The following GALNTL6 variants were observed in gnomAD, a reference collection of about 807,000 sequenced individuals.
GALNTL6 encodes the protein polypeptide N-acetylgalactosaminyltransferase-like 6.
GALNTL6 carries 46 observed loss-of-function variants against 73.7 expected under a neutral mutation model. The observed-to-expected ratio is 0.62, with a 90% confidence interval of 0.49 to 0.80. The LOEUF is 0.80. Among genes scored for constraint, GALNTL6 ranks in the 30% least tolerant of loss-of-function variants. GALNTL6 has a pLI of 0.00. For synonymous variants in GALNTL6, 259 were observed against 263.7 expected (o/e 0.98, Z 0.17); for missense variants, 604 against 755.0 (o/e 0.80, Z 2.34).
rs185571729 is a variant in GALNTL6, at chr4:172,490,752, A to G, written c.553+142063A>G. Reference sequence around the variant, plus strand: ...AAAGATAAGAGAAGCAGACCCAAGAATCTGTACCAGGCCTGAGAGTTCAAT... The same window carrying G: ...AAAGATAAGAGAAGCAGACCCAAGAGTCTGTACCAGGCCTGAGAGTTCAAT... On this transcript the variant is annotated intron_variant, in intron 5 of 12. Transcript: ENST00000506823. Among the ~76,000 whole-genome samples, 119 of 152,308 alleles carry G rather than the reference A, an allele frequency of 7.8e-4. 2 individuals carry two copies. The South Asian group carries it at 0.016, about 21-fold the overall frequency.
At chr4:172,479,878 G>A (rs1733380792) in intron 5 of GALNTL6, among the ~76,000 whole-genome samples, 2 of 152,184 alleles carry the variant, frequency 1.3e-5, no homozygotes, top group South Asian at 4.1e-4. Flanking sequence ...CATAGAGTTT[G>A]ATAAAACTAT....
chr4:171,951,640 G>C (rs1738882720), intron 2 of GALNTL6, among the ~76,000 whole-genome samples: 1 of 151,796 alleles, frequency 6.6e-6, no homozygotes, highest in African/African-American at 2.4e-5. Flanking sequence ...CTACACAATG[G>C]ATACTAATTT....
At chr4:172,774,025 A>C (rs1436481182) in intron 5 of GALNTL6, among the ~76,000 whole-genome samples, 2 of 152,198 alleles carry the variant, frequency 1.3e-5, no homozygotes, top group African/African-American at 4.8e-5. Context: ...TTTGTATGTA[A>C]AAATATTGAT....
intron 8 of GALNTL6, among the ~76,000 whole-genome samples, chr4:172,894,679 G>A (rs1481432088): frequency 6.6e-6 from 1 of 152,234 alleles, no homozygotes; most frequent in East Asian, 1.9e-4. Context: ...TTCTGTAAAT[G>A]TCTGTTAGGT....
intron 2 of GALNTL6, among the ~76,000 whole-genome samples, chr4:172,129,493 T>G (rs1035426021): frequency 5.9e-5 from 9 of 152,246 alleles, no homozygotes; most frequent in African/African-American, 1.2e-4. Context: ...CTCAAGATCA[T>G]GCCCACCATT....
At chr4:172,414,555 T>G (rs1467821646) in intron 5 of GALNTL6, among the ~76,000 whole-genome samples, 2 of 152,184 alleles carry the variant, frequency 1.3e-5, no homozygotes, top group African/African-American at 4.8e-5. Context: ...GATCTGTAGG[T>G]TTATTGTCAA....
chr4:172,936,624 C>G (rs1748635310), intron 9 of GALNTL6, among the ~76,000 whole-genome samples: 1 of 152,020 alleles, frequency 6.6e-6, no homozygotes, highest in Non-Finnish European at 1.5e-5. Context: ...TCCTATACAC[C>G]AATAATAGAG....
At position 171,941,178 on chromosome 4, in the gene GALNTL6, A is replaced by C. The variant is rs542807939; in HGVS notation, c.138+126460A>C. Among the ~76,000 whole-genome samples, 3 of 152,298 alleles carry C rather than the reference A, an allele frequency of 2.0e-5. No individual in the cohort carries two copies. The South Asian group carries it at 6.2e-4, about 32-fold the overall frequency. On this transcript the variant is annotated intron_variant, in intron 2 of 12. Coordinates refer to ENST00000506823, the MANE Select transcript of GALNTL6 (RefSeq NM_001034845.3). ...AGAACTGTCATGGATGGTTAAGCAG[A>C]GATGGAACCTGTAGCAAGCTCTCTG... is the stretch of plus-strand genomic sequence containing the variant.
chr4:172,403,443 A>G (rs576742633), intron 5 of GALNTL6, among the ~76,000 whole-genome samples: 1 of 152,180 alleles, frequency 6.6e-6, no homozygotes, highest in Non-Finnish European at 1.5e-5. Context: ...GAAGTTCTAA[A>G]TCTTTCATGA....
intron 10 of GALNTL6, among the ~76,000 whole-genome samples, chr4:172,961,852 A>G (rs1015315342): frequency 1.3e-5 from 2 of 152,340 alleles, no homozygotes; most frequent in African/African-American, 4.8e-5. Context: ...AAGACAGGGG[A>G]TTGATCTCCC....
At chr4:172,640,054 A>G (rs1739899480) in intron 5 of GALNTL6, among the ~76,000 whole-genome samples, 1 of 152,106 alleles carries the variant, frequency 6.6e-6, no homozygotes, top group South Asian at 2.1e-4. Context: ...AATTGTTTTC[A>G]ATGGTTACTG....
chr4:172,100,235 A>G (rs1732472888), intron 2 of GALNTL6, among the ~76,000 whole-genome samples: 1 of 152,136 alleles, frequency 6.6e-6, no homozygotes, highest in African/African-American at 2.4e-5. Flanking sequence ...TTATTTGATA[A>G]GATTCTATGT....
At chr4:171,874,785 G>C (rs1736230173) in intron 2 of GALNTL6, among the ~76,000 whole-genome samples, 5 of 152,168 alleles carry the variant, frequency 3.3e-5, no homozygotes. Flanking sequence ...TCTGTAAGAA[G>C]CCTTGTGCTA....
At chr4:172,774,456 A>G (rs1341972166) in intron 5 of GALNTL6, among the ~76,000 whole-genome samples, 3 of 152,232 alleles carry the variant, frequency 2.0e-5, no homozygotes, top group African/African-American at 4.8e-5. Context: ...AATCAACCCT[A>G]CAATGTGATG....
At chr4:172,195,117 T>A (rs1735716725) in intron 2 of GALNTL6, among the ~76,000 whole-genome samples, 1 of 151,398 alleles carries the variant, frequency 6.6e-6, no homozygotes. Flanking sequence ...ACCAAGCAAA[T>A]GGAAAGCCAA....
At chr4:172,756,545 T>G (rs1269666071) in intron 5 of GALNTL6, among the ~76,000 whole-genome samples, 2 of 151,788 alleles carry the variant, frequency 1.3e-5, no homozygotes, top group African/African-American at 2.4e-5. Flanking sequence ...CTTAGGAGGC[T>G]GAAGCAGGAG....
chr4:171,894,940 A>G (rs1181679457), intron 2 of GALNTL6, among the ~76,000 whole-genome samples: 12 of 152,228 alleles, frequency 7.9e-5, no homozygotes, highest in Admixed American at 7.9e-4. Flanking sequence ...GAGAAATCAC[A>G]TGACTAAATG....
chr4:172,041,750 GT>G (rs1328205447), intron 2 of GALNTL6, among the ~76,000 whole-genome samples: 2 of 152,052 alleles, frequency 1.3e-5, no homozygotes, highest in Admixed American at 1.3e-4. Flanking sequence ...TGTCACAGGT[GT>G]AAGTGTGGTG....
intron 2 of GALNTL6, among the ~76,000 whole-genome samples, chr4:172,161,195 TG>T (rs1384115805): frequency 6.6e-6 from 1 of 152,002 alleles, no homozygotes; most frequent in African/African-American, 2.4e-5. Flanking sequence ...CATAGAGCAG[TG>T]GTCTCTTATG....
Sources: gnomAD v4.1 joint callset for allele counts (sites outside exome capture counted in the v4.1 genomes callset) on GRCh38, gnomAD v4.1.1 for gene constraint, MANE v1.5 for transcripts, NCBI Gene and HGNC (gene_info 2026-07-23, HGNC 2026-07-21) for gene names.